The following TRAPPC9 variants were observed in gnomAD, a reference collection of about 807,000 sequenced individuals.
TRAPPC9 encodes the protein IKK2 binding protein.
TRAPPC9 carries 83 observed loss-of-function variants against 124.0 expected under a neutral mutation model. The ratio of observed to expected loss-of-function variants is 0.67; its 90% CI spans 0.56 to 0.80. TRAPPC9 has a LOEUF of 0.80. Among genes scored for constraint, TRAPPC9 ranks in the 30% least tolerant of loss-of-function variants. The probability of loss-of-function intolerance (pLI) is 0.00; values close to 1 mark genes in which losing one functional copy is unlikely to be tolerated. For missense variants in TRAPPC9, 1,302 were observed against 1,508.3 expected (o/e 0.86, Z 2.27); for synonymous variants, 638 against 617.5 (o/e 1.03, Z -0.49).
intron 18 of TRAPPC9, among the ~76,000 whole-genome samples, chr8:139,994,980 GT>G (rs151302292): frequency 0.76 from 114,421 of 150,032 alleles, 44,811 homozygotes; most frequent in East Asian, 0.9. Context: ...ATTGGTTTGT[GT>G]TTAAAAAAAA....
intron 20 of TRAPPC9, among the ~76,000 whole-genome samples, chr8:139,888,344 A>C (rs995222341): frequency 1.3e-5 from 2 of 152,192 alleles, no homozygotes; most frequent in East Asian, 3.8e-4. Flanking sequence ...TGGTTAATTT[A>C]CTTAAAGTCC....
intron 19 of TRAPPC9, among the ~76,000 whole-genome samples, chr8:139,922,524 G>A (rs1413858022): frequency 1.3e-5 from 2 of 152,218 alleles, no homozygotes; most frequent in Admixed American, 1.3e-4. Flanking sequence ...GGAAACTGAA[G>A]CTCAGGCAAT....
intron 21 of TRAPPC9, among the ~76,000 whole-genome samples, chr8:139,859,734 C>A (rs938705882): frequency 1.3e-5 from 2 of 152,172 alleles, no homozygotes; most frequent in Admixed American, 1.3e-4. Context: ...AAGAGAGGCA[C>A]GTCTTTGGGA....
intron 6 of TRAPPC9, among the ~76,000 whole-genome samples, chr8:140,401,241 T>C (rs971271102): frequency 6.6e-6 from 1 of 152,342 alleles, no homozygotes; most frequent in Non-Finnish European, 1.5e-5. Context: ...ACTAAAATCA[T>C]GTACAAGGTG....
Position 139,992,761 on chromosome 8 carries a change from G to A in TRAPPC9, c.2700-3925C>T, listed in dbSNP as rs529135665. Among the ~76,000 whole-genome samples the A allele has an allele frequency of 7.9e-5, 12 of 151,708 alleles. No individual in the cohort carries two copies. The South Asian group carries it at 2.1e-3, about 26-fold the overall frequency. ...AAAGATAGCTACAAAGCAGACCCAT[G>A]AATATAAGGAAACTGGAGAGATGAT... On this transcript the variant is annotated intron_variant, in intron 18 of 22. Transcript: ENST00000438773.
At chr8:139,759,081 G>A (rs544786960) in intron 21 of TRAPPC9, among the ~76,000 whole-genome samples, 1 of 152,312 alleles carries the variant, frequency 6.6e-6, no homozygotes, top group African/African-American at 2.4e-5. Flanking sequence ...AGTGGGCCGG[G>A]TGCTGCTTCA....
intron 9 of TRAPPC9, 41 bp downstream of exon 9, chr8:140,360,009 C>T: frequency 6.2e-7 from 1 of 1,613,558 alleles, no homozygotes; most frequent in African/African-American, 1.3e-5. Context: ...CTCTCATTCA[C>T]AGTTCCTTGA....
intron 21 of TRAPPC9, among the ~76,000 whole-genome samples, chr8:139,758,708 G>A (rs1420397391): frequency 6.6e-6 from 1 of 152,230 alleles, no homozygotes; most frequent in South Asian, 2.1e-4. Context: ...GGTGAAGGCG[G>A]TTGGGGCAGG....
intron 21 of TRAPPC9, among the ~76,000 whole-genome samples, chr8:139,822,563 G>A (rs1372746836): frequency 6.6e-6 from 1 of 152,152 alleles, no homozygotes; most frequent in Non-Finnish European, 1.5e-5. Flanking sequence ...TCAAGCAGGT[G>A]CTAGAGATGG....
At chr8:140,292,158 CCT>C (rs147177324) in intron 11 of TRAPPC9, among the ~76,000 whole-genome samples, 2,543 of 152,314 alleles carry the variant, frequency 0.017, 79 homozygotes, top group African/African-American at 0.058. Context: ...CCTTTACAAT[CCT>C]CTCTTAGGCA....
chr8:139,835,773 A>C (rs1022360240), intron 21 of TRAPPC9, among the ~76,000 whole-genome samples: 1 of 136,612 alleles, frequency 7.3e-6, no homozygotes, highest in East Asian at 2.0e-4. Flanking sequence ...ATTAAAAAAC[A>C]AAAAAAAAAA....
In TRAPPC9 at chr8:140,008,045, C is replaced by G. The variant is rs554130739; in HGVS notation, c.2699+15892G>C. ...CAGATAGAATGTCAACCTGCTCCTGCCGTGTGAAGGCTGGGTGCCAGCTCC... is the reference window on the plus strand; with the variant it reads ...CAGATAGAATGTCAACCTGCTCCTGGCGTGTGAAGGCTGGGTGCCAGCTCC... On this transcript the variant is annotated intron_variant, in intron 18 of 22. Transcript: ENST00000438773. Among the ~76,000 whole-genome samples the G allele has an allele frequency of 3.3e-5, 5 of 152,234 alleles. No individual in the cohort carries two copies. The East Asian group carries it at 7.7e-4, about 24-fold the overall frequency.
At chr8:140,324,721 G>A (rs935395232) in intron 9 of TRAPPC9, among the ~76,000 whole-genome samples, 17 of 152,142 alleles carry the variant, frequency 1.1e-4, no homozygotes, top group Non-Finnish European at 2.4e-4. Context: ...AGTAAGCCAC[G>A]ATCGTGCCAC....
At chr8:140,190,826 A>C (rs548102703) in intron 17 of TRAPPC9, among the ~76,000 whole-genome samples, 1 of 152,188 alleles carries the variant, frequency 6.6e-6, no homozygotes, top group Non-Finnish European at 1.5e-5. Flanking sequence ...CTTTCAAAGA[A>C]AGAAGGTCAA....
At chr8:140,155,951 A>T (rs1017028689) in intron 17 of TRAPPC9, among the ~76,000 whole-genome samples, 1 of 152,182 alleles carries the variant, frequency 6.6e-6, no homozygotes, top group African/African-American at 2.4e-5. Flanking sequence ...ACACTTGCTT[A>T]TGGCCCACAA....
intron 4 of TRAPPC9, among the ~76,000 whole-genome samples, chr8:140,429,074 T>C (rs2070533522): frequency 7.0e-6 from 1 of 143,134 alleles, no homozygotes; most frequent in African/African-American, 2.5e-5. Flanking sequence ...TGTTTTTTGT[T>C]TTTCTGTTTT....
chr8:140,296,092 G>C (rs1563924455), intron 11 of TRAPPC9, among the ~76,000 whole-genome samples: 1 of 152,086 alleles, frequency 6.6e-6, no homozygotes, highest in African/African-American at 2.4e-5. Flanking sequence ...TATCTGACCT[G>C]GGGCAGGTAC....
chr8:139,980,566 C>T (rs530119950), intron 19 of TRAPPC9, among the ~76,000 whole-genome samples: 341 of 152,368 alleles, frequency 2.2e-3, no homozygotes, highest in African/African-American at 7.8e-3. Flanking sequence ...CCATCACCAA[C>T]GGCTGGCCAC....
intron 16 of TRAPPC9, among the ~76,000 whole-genome samples, chr8:140,231,438 C>T (rs1202045444): frequency 6.7e-6 from 1 of 149,030 alleles, no homozygotes; most frequent in Non-Finnish European, 1.5e-5. Context: ...GCTTTCAAAT[C>T]CAAAGATTAT....
Sources: gnomAD v4.1 joint callset for allele counts (sites outside exome capture counted in the v4.1 genomes callset) on GRCh38, gnomAD v4.1.1 for gene constraint, MANE v1.5 for transcripts, NCBI Gene and HGNC (gene_info 2026-07-23, HGNC 2026-07-21) for gene names.